The following CELF4 variants were observed in gnomAD, a reference collection of about 807,000 sequenced individuals.
CELF4 encodes CUG-BP- and ETR-3-like factor 4.
Under a neutral mutation model 59.9 loss-of-function variants are expected in CELF4, and 18 were observed. The observed-to-expected ratio is 0.30, with a 90% CI of 0.21 to 0.45. The LOEUF is 0.45. CELF4 is among the 20% of genes least tolerant of loss of function. The pLI is 1.00. For synonymous variants in CELF4, 261 were observed against 267.1 expected, an observed-to-expected ratio of 0.98 and a Z score of 0.22; for missense variants, 456 against 689.0, an observed-to-expected ratio of 0.66 and a Z score of 3.79.
At chr18:37,435,556 T>G (rs2099688755) in intron 2 of CELF4, among the ~76,000 whole-genome samples, 1 of 152,180 alleles carries the variant, frequency 6.6e-6, no homozygotes, top group African/African-American at 2.4e-5. Context: ...CTGAGACAAC[T>G]GCCAGGTTTT....
intron 1 of CELF4, among the ~76,000 whole-genome samples, chr18:37,556,712 G>T (rs957077187): frequency 6.6e-6 from 1 of 152,128 alleles, no homozygotes; most frequent in African/African-American, 2.4e-5. Flanking sequence ...CCCCTTGCTT[G>T]TCCCTGTAAA....
intron 3 of CELF4, among the ~76,000 whole-genome samples, chr18:37,312,973 GA>G (rs1333420335): frequency 6.6e-6 from 1 of 152,226 alleles, no homozygotes; most frequent in African/African-American, 2.4e-5. Flanking sequence ...GCCACAAGTG[GA>G]GCCCACACAC....
intron 2 of CELF4, among the ~76,000 whole-genome samples, chr18:37,381,118 C>T (rs1010609608): frequency 8.2e-5 from 12 of 146,164 alleles, no homozygotes; most frequent in African/African-American, 3.2e-4. Flanking sequence ...CATCATCCAT[C>T]CATCCATCCA....
At chr18:37,372,552 T>A (rs620663) in intron 2 of CELF4, among the ~76,000 whole-genome samples, 130,067 of 152,170 alleles carry the variant, frequency 0.85, 55,790 homozygotes, top group East Asian at 0.92. Flanking sequence ...TAATGGGTAC[T>A]GCACACCAAA....
At chr18:37,378,074 C>T (rs2098992034) in intron 2 of CELF4, among the ~76,000 whole-genome samples, 1 of 152,100 alleles carries the variant, frequency 6.6e-6, no homozygotes, top group Non-Finnish European at 1.5e-5. Context: ...ATAGTCACAC[C>T]CCTGGTCCTC....
At chr18:37,343,615 G>A (rs1049283137) in intron 2 of CELF4, among the ~76,000 whole-genome samples, 5 of 152,018 alleles carry the variant, frequency 3.3e-5, no homozygotes, top group South Asian at 4.2e-4. Flanking sequence ...GTGGGGGTGC[G>A]TGTGTATATG....
At chr18:37,359,170 G>A (rs2098659526) in intron 2 of CELF4, among the ~76,000 whole-genome samples, 1 of 152,112 alleles carries the variant, frequency 6.6e-6, no homozygotes, top group South Asian at 2.1e-4. Context: ...TGTGAAGGGC[G>A]ACAAGGGAGC....
intron 1 of CELF4, among the ~76,000 whole-genome samples, chr18:37,523,888 G>A (rs1487615356): frequency 6.6e-5 from 10 of 152,190 alleles, no homozygotes; most frequent in Admixed American, 6.5e-4. Flanking sequence ...ATGAGCGTGT[G>A]GCTTCTTGCA....
chr18:37,561,626 G>T lies in CELF4; in HGVS notation c.286+3730C>A, dbSNP rs945054456. Among the ~76,000 whole-genome samples, 6 of 152,140 alleles carry T rather than the reference G, an allele frequency of 3.9e-5. No individual in the cohort carries two copies. In the East Asian group the frequency reaches 9.6e-4, roughly 24 times the overall value. ...TTTATGTGAGTGTTAACAAGCATGG[G>T]TATGTGTACATATATGTGTCTTCAG... On this transcript the variant is annotated intron_variant, in intron 1 of 12. Transcript: ENST00000420428.
intron 1 of CELF4, among the ~76,000 whole-genome samples, chr18:37,496,879 C>T (rs1049620649): frequency 7.2e-5 from 11 of 152,258 alleles, no homozygotes; most frequent in South Asian, 2.1e-4. Flanking sequence ...GTGACTGGGA[C>T]GCCAGCCTCA....
At chr18:37,258,932 G>A in intron 11 of CELF4, 1 of 563,080 alleles carries the variant, frequency 1.8e-6, no homozygotes, top group Non-Finnish European at 3.1e-6. Context: ...AGGTTGTGTG[G>A]GTAGGGAAAG....
chr18:37,482,107 T>C (rs892659789), intron 2 of CELF4, among the ~76,000 whole-genome samples: 4 of 138,070 alleles, frequency 2.9e-5, no homozygotes, highest in African/African-American at 5.6e-5. Context: ...TATGTAGATA[T>C]TTGTGTGTGT....
chr18:37,299,312 T>G (rs74679898), intron 3 of CELF4, among the ~76,000 whole-genome samples: 7,239 of 152,256 alleles, frequency 0.048, 305 homozygotes, highest in East Asian at 0.22. Flanking sequence ...TTTTCTTGAT[T>G]TATATGTTGT....
At chr18:37,517,120 G>A (rs9951566) in intron 1 of CELF4, among the ~76,000 whole-genome samples, 2,926 of 152,238 alleles carry the variant, frequency 0.019, 90 homozygotes, top group African/African-American at 0.066. Context: ...AGCACTGAGA[G>A]AGCCAGGAAT....
At chr18:37,367,467 G>A (rs1475048718) in intron 2 of CELF4, among the ~76,000 whole-genome samples, 1 of 151,932 alleles carries the variant, frequency 6.6e-6, no homozygotes, top group Non-Finnish European at 1.5e-5. Context: ...GGGATGGGGA[G>A]GACAGAGGGA....
At chr18:37,249,968 C>G (rs1206690085) in intron 12 of CELF4, among the ~76,000 whole-genome samples, 1 of 152,188 alleles carries the variant, frequency 6.6e-6, no homozygotes, top group Non-Finnish European at 1.5e-5. Context: ...ACAGGACTCA[C>G]TGGGGTCAGG....
At position 37,449,546 on chromosome 18, in the gene CELF4, C is replaced by A. The variant is rs76750750; in HGVS notation, c.369+35979G>T. On this transcript the variant is annotated intron_variant, in intron 2 of 12. Transcript: ENST00000420428. ...CCAGATCCGGGGATACAGCGGTAAA[C>A]AAATTCCCTGCTCCTGAAGCACACG... Among the ~76,000 whole-genome samples the A allele has an allele frequency of 1.0e-3, 159 of 152,266 alleles. 4 individuals are homozygous for A. The East Asian group carries it at 0.03, about 29-fold the overall frequency.
At chr18:37,279,830 G>A (rs760749701) in intron 3 of CELF4, among the ~76,000 whole-genome samples, 41 of 152,360 alleles carry the variant, frequency 2.7e-4, no homozygotes, top group Non-Finnish European at 4.9e-4. Flanking sequence ...AGATAAGGAA[G>A]CTGGGGCAGA....
intron 3 of CELF4, among the ~76,000 whole-genome samples, chr18:37,318,779 G>A (rs756381676): frequency 2.9e-4 from 44 of 152,134 alleles, no homozygotes; most frequent in Non-Finnish European, 5.1e-4. Context: ...GGCAAGTTCA[G>A]GGAGAGAAAG....
Sources: allele counts gnomAD v4.1 joint callset (sites outside exome capture counted in the v4.1 genomes callset), GRCh38; gene constraint gnomAD v4.1.1; transcripts MANE v1.5; gene names NCBI Gene and HGNC (gene_info 2026-07-23, HGNC 2026-07-21).